CYP19A1: variants seen among roughly 807,000 people sequenced by gnomAD.
CYP19A1 encodes the protein aromatase.
In CYP19A1, 32 loss-of-function variants were observed where a neutral mutation model predicts 44.4. The observed-to-expected ratio is 0.72, with a 90% CI of 0.54 to 0.97. The LOEUF is 0.97. CYP19A1 is among the 50% of genes least tolerant of loss of function. The pLI is 0.00. For synonymous variants in CYP19A1, 212 were observed against 215.6 expected, an observed-to-expected ratio of 0.98 and a Z score of 0.14; for missense variants, 598 against 637.8, an observed-to-expected ratio of 0.94 and a Z score of 0.67.
chr15:51,239,060 A>G (rs2033589235), intron 2 of CYP19A1, among the ~76,000 whole-genome samples: 1 of 152,232 alleles, frequency 6.6e-6, no homozygotes, highest in Admixed American at 6.5e-5. Flanking sequence ...AGAATGCTGG[A>G]GGAAGGTAGA....
At chr15:51,319,700 A>G (rs2141020624) in intron 1 of CYP19A1, among the ~76,000 whole-genome samples, 1 of 152,376 alleles carries the variant, frequency 6.6e-6, no homozygotes, top group African/African-American at 2.4e-5. Flanking sequence ...TCTAGGAAGA[A>G]TAAGCAGTTA....
intron 1 of CYP19A1, among the ~76,000 whole-genome samples, chr15:51,328,573 TGTG>T (rs1398321041): frequency 1.3e-5 from 2 of 151,920 alleles, no homozygotes; most frequent in Non-Finnish European, 2.9e-5. Flanking sequence ...TGTGTGTGTG[TGTG>T]TGTGTGTGTA....
At chr15:51,300,474 G>A (rs2036089751) in intron 1 of CYP19A1, among the ~76,000 whole-genome samples, 1 of 152,182 alleles carries the variant, frequency 6.6e-6, no homozygotes, top group Non-Finnish European at 1.5e-5. Context: ...TGTGATAGAG[G>A]TTTGAGTCAC....
chr15:51,213,935 G>A (rs1474376062), intron 8 of CYP19A1, among the ~76,000 whole-genome samples: 2 of 152,188 alleles, frequency 1.3e-5, no homozygotes, highest in Non-Finnish European at 2.9e-5. Context: ...AAAACATGCT[G>A]GAATTTGGAT....
At chr15:51,217,660 T>C (rs1023615566) in intron 6 of CYP19A1, among the ~76,000 whole-genome samples, 11 of 152,330 alleles carry the variant, frequency 7.2e-5, no homozygotes, top group African/African-American at 2.6e-4. Context: ...TAGGAACATC[T>C]GAGGAAGATA....
At chr15:51,291,738 G>A (rs1166156423) in intron 1 of CYP19A1, among the ~76,000 whole-genome samples, 1 of 152,158 alleles carries the variant, frequency 6.6e-6, no homozygotes, top group Admixed American at 6.5e-5. Context: ...GAAACCCCAC[G>A]AGTAGGTCAA....
intron 1 of CYP19A1, among the ~76,000 whole-genome samples, chr15:51,324,939 T>C (rs1389583249): frequency 6.6e-6 from 1 of 152,262 alleles, no homozygotes; most frequent in Non-Finnish European, 1.5e-5. Flanking sequence ...GTAACCTCAT[T>C]TTTGGTGAAA....
Position 51,210,287 on chromosome 15 carries a change from G to A in CYP19A1, c.*521C>T. Reference sequence around the variant, plus strand: ...CAAGGGTCAAATGCTGAATTTCTAAGCATTTCTCCAAAGACTATGAATGTT... The same window carrying A: ...CAAGGGTCAAATGCTGAATTTCTAAACATTTCTCCAAAGACTATGAATGTT... On this transcript the variant is annotated 3_prime_UTR_variant, in exon 10 of 10. Transcript: ENST00000396402. 6.5e-6 allele frequency: 3 copies of A among 458,360 alleles called. No homozygotes were observed. Among genetic ancestry groups the A allele is most frequent in the South Asian group, 4.7e-5 (3 of 63,356 alleles). 28.4% of individuals were successfully genotyped at this position (458,360 alleles called of 1,614,324 possible).
At chr15:51,266,120 C>T (rs888674943) in intron 1 of CYP19A1, among the ~76,000 whole-genome samples, 2 of 152,238 alleles carry the variant, frequency 1.3e-5, no homozygotes, top group East Asian at 3.8e-4. Flanking sequence ...ATTTTGCTCT[C>T]ACCTCACAAA....
intron 1 of CYP19A1, among the ~76,000 whole-genome samples, chr15:51,268,929 A>G (rs976126818): frequency 1.3e-5 from 2 of 152,102 alleles, no homozygotes; most frequent in African/African-American, 4.8e-5. Flanking sequence ...TTTTTAATAT[A>G]TATATATTCT....
intron 1 of CYP19A1, among the ~76,000 whole-genome samples, chr15:51,280,334 G>A (rs2035475726): frequency 1.3e-5 from 2 of 151,520 alleles, no homozygotes; most frequent in African/African-American, 4.9e-5. Flanking sequence ...TCCTGACCTC[G>A]TGATCCACCC....
chr15:51,301,917 G>GA (rs1160714538), intron 1 of CYP19A1, among the ~76,000 whole-genome samples: 5 of 152,152 alleles, frequency 3.3e-5, no homozygotes, highest in African/African-American at 1.2e-4. Flanking sequence ...CCCTGTCAGA[G>GA]AAAAAATATT....
intron 6 of CYP19A1, among the ~76,000 whole-genome samples, chr15:51,216,554 C>G (rs892908948): frequency 6.6e-6 from 1 of 152,160 alleles, no homozygotes; most frequent in African/African-American, 2.4e-5. Context: ...CACCTGGCCC[C>G]CATAGTCTGC....
intron 1 of CYP19A1, among the ~76,000 whole-genome samples, chr15:51,304,628 G>C (rs907564675): frequency 5.3e-5 from 8 of 152,168 alleles, no homozygotes; most frequent in African/African-American, 1.9e-4. Context: ...TTCAATGAAA[G>C]AAAAGTAGGT....
At chr15:51,302,612 C>T (rs976329860) in intron 1 of CYP19A1, among the ~76,000 whole-genome samples, 10 of 152,160 alleles carry the variant, frequency 6.6e-5, no homozygotes, top group Admixed American at 3.3e-4. Flanking sequence ...CTGGCTTTCC[C>T]CTCTCCCCAC....
At chr15:51,268,525 C>G (rs1017067465) in intron 1 of CYP19A1, among the ~76,000 whole-genome samples, 1 of 140,268 alleles carries the variant, frequency 7.1e-6, no homozygotes, top group East Asian at 2.1e-4. Context: ...TCCTTCCCCC[C>G]CCCCCTTTTT....
At position 51,315,791 on chromosome 15, in the gene CYP19A1, G is replaced by A. The variant is rs1022895443; in HGVS notation, c.-39+22704C>T. ...TGTTTGCTCTTAGCAAAAAGGCCTCGTTATTTTAATAGCACGCTCCTCTAT... is the reference window on the plus strand; with the variant it reads ...TGTTTGCTCTTAGCAAAAAGGCCTCATTATTTTAATAGCACGCTCCTCTAT... On this transcript the variant is annotated intron_variant, in intron 1 of 9. Transcript: ENST00000396402. 7.2e-5 allele frequency: 11 copies of A among 152,290 alleles called. No homozygotes were observed. The South Asian group carries it at 8.3e-4, about 11-fold the overall frequency. The allele number at this position is 152,290 out of a possible 1,614,324, so 9.4% of individuals were successfully genotyped here.
chr15:51,278,207 C>T (rs1227494977), intron 1 of CYP19A1: 2 of 152,118 alleles, frequency 1.3e-5, no homozygotes, highest in African/African-American at 4.8e-5. Flanking sequence ...CAGGGGCCAA[C>T]ATAAATTATA....
chr15:51,299,733 C>T lies in CYP19A1; in HGVS notation c.-39+38762G>A, dbSNP rs16964253. Among the ~76,000 whole-genome samples, 1,458 of 152,304 alleles carry T rather than the reference C, an allele frequency of 9.6e-3. 29 individuals are homozygous for T. The highest frequency in any genetic ancestry group is 0.034 in the African/African-American group (1,413 of 41,554). ...CCACCTTTCTGGCTTATCCTAGCTT[C>T]GATGCTCAGCAACCTTCTACTCACT... On this transcript the variant is annotated intron_variant, in intron 1 of 9. Coordinates refer to ENST00000396402, the MANE Select transcript of CYP19A1 (RefSeq NM_000103.4).
Sources: gnomAD v4.1 joint callset for allele counts (sites outside exome capture counted in the v4.1 genomes callset) on GRCh38, gnomAD v4.1.1 for gene constraint, MANE v1.5 for transcripts, NCBI Gene and HGNC (gene_info 2026-07-23, HGNC 2026-07-21) for gene names.